Variants in SH3RF1 observed in about 807,000 individuals in gnomAD.
SH3RF1 encodes SH3 domain containing ring finger 1.
SH3RF1 carries 32 observed loss-of-function variants against 74.0 expected under a neutral mutation model. That is an observed-to-expected ratio of 0.43 (90% CI 0.33 to 0.58). The LOEUF is 0.58. SH3RF1 is among the 20% of genes least tolerant of loss of function. The pLI is 0.05. For missense variants in SH3RF1, 954 were observed against 1,130.9 expected (o/e 0.84, Z 2.24); for synonymous variants, 396 against 439.6 (o/e 0.90, Z 1.24).
At chr4:169,267,851 C>T (rs949242620) in intron 2 of SH3RF1, among the ~76,000 whole-genome samples, 14 of 152,232 alleles carry the variant, frequency 9.2e-5, no homozygotes, top group Admixed American at 6.5e-4. Flanking sequence ...AAAATATTCT[C>T]ATCTAGATTA....
Position 169,158,908 on chromosome 4 carries a change from C to T in SH3RF1, c.394-2229G>A, listed in dbSNP as rs116313860. Among the ~76,000 whole-genome samples the T allele has an allele frequency of 5.1e-3, 770 of 152,256 alleles. 6 individuals carry two copies. The highest frequency in any genetic ancestry group is 0.017 in the African/African-American group (708 of 41,550). On this transcript the variant is annotated intron_variant, in intron 2 of 11. Coordinates refer to ENST00000284637, the MANE Select transcript of SH3RF1 (RefSeq NM_020870.4). ...TTGTTTAGGAATATTAATTATTGCT[C>T]TCAAAATGCTATTGGCAATCATCTT... is the stretch of plus-strand genomic sequence containing the variant.
chr4:169,234,832 T>C (rs777726792), intron 2 of SH3RF1, among the ~76,000 whole-genome samples: 11 of 152,184 alleles, frequency 7.2e-5, no homozygotes, highest in South Asian at 2.1e-4. Context: ...TTGGGCCTGA[T>C]AGTTGTTTGT....
In SH3RF1 at chr4:169,255,049, G is replaced by C. The variant is rs535264556; in HGVS notation, c.393+13771C>G. 8.0e-4 allele frequency among the ~76,000 whole-genome samples: 121 copies of C among 152,192 alleles called. No individual in the cohort carries two copies. The Middle Eastern group carries it at 0.01, about 13-fold the overall frequency. On this transcript the variant is annotated intron_variant, in intron 2 of 11. Transcript: ENST00000284637. ...CAAGGACAGGAATTTATGTTTAACA[G>C]AAAAAAGAACCTCCTCTGGCTAGGA...
chr4:169,233,248 CAAAAAAAAAAA>C (rs372381759), intron 2 of SH3RF1, among the ~76,000 whole-genome samples: 1 of 65,594 alleles, frequency 1.5e-5, no homozygotes, highest in Non-Finnish European at 2.7e-5. Context: ...GACTCCATCT[CAAAAAAAAAAA>C]AAAAAAAAAA....
rs532033835 is a variant in SH3RF1, at chr4:169,226,490, G to GA, written c.393+42329dup. ...AAAATTTGAGGGAGCCTGATTTAAA[G>GA]AAAAAAAAAAAAGAGCAAGAAAGAT... On this transcript the variant is annotated intron_variant, in intron 2 of 11. Transcript: ENST00000284637. Among the ~76,000 whole-genome samples, 576 of 132,124 alleles carry GA rather than the reference G, an allele frequency of 4.4e-3. 7 individuals are homozygous for GA. Among genetic ancestry groups the GA allele is most frequent in the East Asian group, 0.025 (115 of 4,666 alleles). 86.7% of individuals were successfully genotyped at this position (132,124 alleles called of 152,430 possible). A position where few individuals can be genotyped will look rare whatever the true frequency, so the allele number is the denominator to read the frequency against.
intron 2 of SH3RF1, among the ~76,000 whole-genome samples, chr4:169,267,935 G>T (rs1332808899): frequency 6.6e-6 from 1 of 152,048 alleles, no homozygotes; most frequent in Non-Finnish European, 1.5e-5. Context: ...AAATGAAGTT[G>T]TTTTAATTAC....
chr4:169,139,222 G>A (rs1278980960), intron 4 of SH3RF1, among the ~76,000 whole-genome samples: 3 of 152,190 alleles, frequency 2.0e-5, no homozygotes, highest in Non-Finnish European at 2.9e-5. Context: ...GATTACAGGC[G>A]TGAGCCACTG....
At chr4:169,205,034 A>G (rs866817770) in intron 2 of SH3RF1, among the ~76,000 whole-genome samples, 1 of 152,254 alleles carries the variant, frequency 6.6e-6, no homozygotes, top group Non-Finnish European at 1.5e-5. Context: ...ATACATTAAA[A>G]GGGAAATTTA....
chr4:169,229,328 C>A (rs2127006242), intron 2 of SH3RF1, among the ~76,000 whole-genome samples: 1 of 152,230 alleles, frequency 6.6e-6, no homozygotes, highest in East Asian at 1.9e-4. Context: ...TCTTTAATAA[C>A]AATCAGAGGA....
intron 10 of SH3RF1, among the ~76,000 whole-genome samples, chr4:169,108,621 G>T (rs955562357): frequency 6.6e-6 from 1 of 152,154 alleles, no homozygotes; most frequent in African/African-American, 2.4e-5. Flanking sequence ...CCACCACCCT[G>T]CAACTCTCCC....
At chr4:169,151,377 A>G (rs1025639069) in intron 4 of SH3RF1, among the ~76,000 whole-genome samples, 8 of 152,264 alleles carry the variant, frequency 5.3e-5, no homozygotes, top group Non-Finnish European at 1.0e-4. Context: ...GGTACCAGGC[A>G]CTATTCTTAA....
intron 2 of SH3RF1, among the ~76,000 whole-genome samples, chr4:169,254,925 G>A (rs1314627962): frequency 6.6e-6 from 1 of 152,130 alleles, no homozygotes; most frequent in Non-Finnish European, 1.5e-5. Flanking sequence ...AAAGAGAGGA[G>A]GTCAGGGCTG....
chr4:169,254,882 T>C (rs976124120), intron 2 of SH3RF1, among the ~76,000 whole-genome samples: 4 of 152,154 alleles, frequency 2.6e-5, no homozygotes, highest in Admixed American at 2.6e-4. Flanking sequence ...TATGAGGACA[T>C]GTAAACGAAA....
intron 2 of SH3RF1, among the ~76,000 whole-genome samples, chr4:169,193,727 GA>G (rs1261192700): frequency 7.9e-5 from 12 of 152,178 alleles, no homozygotes; most frequent in Non-Finnish European, 1.5e-5. Context: ...TCACCTGAAG[GA>G]AAGGTCCCTC....
intron 2 of SH3RF1, among the ~76,000 whole-genome samples, chr4:169,192,668 G>T (rs578044660): frequency 7.9e-5 from 12 of 151,972 alleles, no homozygotes; most frequent in Non-Finnish European, 1.8e-4. Context: ...GTCATTATAT[G>T]AAAAAGATAC....
chr4:169,139,014 C>T (rs1326863708), intron 4 of SH3RF1, among the ~76,000 whole-genome samples: 2 of 152,196 alleles, frequency 1.3e-5, no homozygotes, highest in African/African-American at 4.8e-5. Context: ...TGCAGTGGCA[C>T]ATTCATTGCT....
At chr4:169,223,004 G>A (rs2660412) in intron 2 of SH3RF1, among the ~76,000 whole-genome samples, 72,849 of 151,976 alleles carry the variant, frequency 0.48, 18,442 homozygotes, top group East Asian at 0.78. Flanking sequence ...CCCAGCTGCA[G>A]CTCTTCACAA....
At chr4:169,257,118 CA>C (rs1007035704) in intron 2 of SH3RF1, among the ~76,000 whole-genome samples, 1 of 152,164 alleles carries the variant, frequency 6.6e-6, no homozygotes, top group Non-Finnish European at 1.5e-5. Context: ...CCAAGAGCCA[CA>C]CAGATAACAA....
At chr4:169,226,878 C>T (rs1354392738) in intron 2 of SH3RF1, among the ~76,000 whole-genome samples, 1 of 152,038 alleles carries the variant, frequency 6.6e-6, no homozygotes, top group African/African-American at 2.4e-5. Context: ...TTTAAAAATA[C>T]ATAAGAGGCC....
Sources: allele counts gnomAD v4.1 joint callset (sites outside exome capture counted in the v4.1 genomes callset), GRCh38; gene constraint gnomAD v4.1.1; transcripts MANE v1.5; gene names NCBI Gene and HGNC (gene_info 2026-07-23, HGNC 2026-07-21).